Variants in SHISA9 observed in about 807,000 individuals in gnomAD.
The protein encoded by SHISA9 is protein shisa-9.
SHISA9 carries 13 observed loss-of-function variants against 38.0 expected under a neutral mutation model. The observed-to-expected ratio is 0.34, with a 90% CI of 0.22 to 0.54. The LOEUF (loss-of-function observed/expected upper bound fraction) is 0.54, where lower values mean the gene tolerates loss of function less well. SHISA9 is among the 20% of genes least tolerant of loss of function. SHISA9 has a pLI of 0.91. For missense variants in SHISA9, 538 were observed against 575.8 expected, an observed-to-expected ratio of 0.93 and a Z score of 0.67; for synonymous variants, 275 against 242.0, an observed-to-expected ratio of 1.14 and a Z score of -1.27.
In SHISA9 at chr16:13,055,200, C is replaced by T. The variant is rs545487546; in HGVS notation, c.691+138385C>T. On this transcript the variant is annotated intron_variant, in intron 2 of 4. Transcript: ENST00000558583. ...CATAAGATAGGGAACTGTGATTATG[C>T]CCATTTTACAGGTGGGGAAACTGAG... is the stretch of plus-strand genomic sequence containing the variant. Among the ~76,000 whole-genome samples the T allele has an allele frequency of 2.0e-5, 3 of 152,210 alleles. No homozygotes were observed. In the East Asian group the frequency reaches 5.8e-4, roughly 29 times the overall value.
At chr16:12,925,836 A>T (rs1277943497) in intron 2 of SHISA9, among the ~76,000 whole-genome samples, 1 of 152,176 alleles carries the variant, frequency 6.6e-6, no homozygotes, top group Non-Finnish European at 1.5e-5. Flanking sequence ...AGTAATAAAT[A>T]AAACAATTGC....
chr16:12,930,839 A>G (rs2071452394), intron 2 of SHISA9, among the ~76,000 whole-genome samples: 1 of 152,160 alleles, frequency 6.6e-6, no homozygotes, highest in African/African-American at 2.4e-5. Context: ...AGAGGAAGTG[A>G]TAGGTACAAA....
chr16:12,965,058 T>A (rs2071959850), intron 2 of SHISA9, among the ~76,000 whole-genome samples: 1 of 152,066 alleles, frequency 6.6e-6, no homozygotes, highest in African/African-American at 2.4e-5. Flanking sequence ...CACATACATA[T>A]ATATATGTAT....
the SHISA9 span, among the ~76,000 whole-genome samples, chr16:13,373,039 T>C: frequency 6.6e-6 from 1 of 152,274 alleles, no homozygotes; most frequent in African/African-American, 2.4e-5. Flanking sequence ...TTGGAGGCCA[T>C]AGCACCCTCA....
At chr16:13,037,144 ACACACACACACACT>A (rs1317591454) in intron 2 of SHISA9, among the ~76,000 whole-genome samples, 18 of 146,466 alleles carry the variant, frequency 1.2e-4, no homozygotes, top group African/African-American at 4.3e-4. Context: ...ACACACACAC[ACACACACACACACT>A]GTTGGTCCCA....
At chr16:13,373,650 T>C in the SHISA9 span, among the ~76,000 whole-genome samples, 12 of 151,666 alleles carry the variant, frequency 7.9e-5, no homozygotes, top group East Asian at 2.3e-3. Flanking sequence ...TAGTCCTAGC[T>C]ACTCAGGAGA....
At chr16:13,527,884 A>G in the SHISA9 span, among the ~76,000 whole-genome samples, 12 of 152,226 alleles carry the variant, frequency 7.9e-5, no homozygotes, top group African/African-American at 2.9e-4. Flanking sequence ...GATGCTCTAT[A>G]GGAATGGAAT....
chr16:13,382,568 C>G, the SHISA9 span, among the ~76,000 whole-genome samples: 1 of 140,870 alleles, frequency 7.1e-6, no homozygotes, highest in East Asian at 2.2e-4. Context: ...AGAAAAAAAA[C>G]AGGCGTGGTG....
In SHISA9 at chr16:13,202,050, T is replaced by C. The variant is rs1224804982; in HGVS notation, c.692-1344T>C. Among the ~76,000 whole-genome samples the C allele has an allele frequency of 1.8e-5, 2 of 112,280 alleles. 1 individual carries two copies. Among genetic ancestry groups the C allele is most frequent in the East Asian group, 4.5e-4 (2 of 4,400 alleles). The allele number at this position is 112,280 out of a possible 152,430, so 73.7% of individuals were successfully genotyped here. On this transcript the variant is annotated intron_variant, in intron 2 of 4. Coordinates refer to ENST00000558583, the MANE Select transcript of SHISA9 (RefSeq NM_001145204.3). The stretch of plus-strand genomic sequence containing the variant: ...CCATCATTATCTCCCAGTGATGGGA[T>C]GGATAGACAGGAGGCGAGACCCATT...
intron 2 of SHISA9, among the ~76,000 whole-genome samples, chr16:13,065,642 G>T (rs192459955): frequency 6.2e-4 from 95 of 152,292 alleles, no homozygotes; most frequent in African/African-American, 2.2e-3. Flanking sequence ...GCTAAGGAAG[G>T]GTTCGAAGGC....
chr16:13,086,230 C>T (rs894615280), intron 2 of SHISA9, among the ~76,000 whole-genome samples: 12 of 151,500 alleles, frequency 7.9e-5, no homozygotes, highest in African/African-American at 2.9e-4. Context: ...TGGCATGTGC[C>T]TGTAGTCTCC....
intron 2 of SHISA9, among the ~76,000 whole-genome samples, chr16:13,053,240 G>A (rs2073273109): frequency 6.6e-6 from 1 of 151,222 alleles, no homozygotes; most frequent in Admixed American, 6.6e-5. Context: ...TGGGATTACA[G>A]GTGTGAACCA....
At chr16:13,056,037 T>G (rs1246960844) in intron 2 of SHISA9, among the ~76,000 whole-genome samples, 1 of 152,208 alleles carries the variant, frequency 6.6e-6, no homozygotes, top group Non-Finnish European at 1.5e-5. Context: ...CTCTGTCATG[T>G]GGACTGTGAA....
chr16:13,348,755 A>G, the SHISA9 span, among the ~76,000 whole-genome samples: 1 of 152,030 alleles, frequency 6.6e-6, no homozygotes, highest in African/African-American at 2.4e-5. Context: ...TAGGACAATC[A>G]TGGAGGTCCG....
At chr16:13,217,318 C>T (rs572576000) in intron 4 of SHISA9, among the ~76,000 whole-genome samples, 10 of 152,006 alleles carry the variant, frequency 6.6e-5, no homozygotes, top group African/African-American at 2.2e-4. Flanking sequence ...AAAATAAAAT[C>T]CACCCTGGAA....
At chr16:12,917,069 G>A (rs1283421169) in intron 2 of SHISA9, among the ~76,000 whole-genome samples, 1 of 152,152 alleles carries the variant, frequency 6.6e-6, no homozygotes, top group Non-Finnish European at 1.5e-5. Flanking sequence ...CTGCTCGACT[G>A]GTTCATCTTG....
At chr16:13,491,022 G>A in the SHISA9 span, among the ~76,000 whole-genome samples, 191 of 152,244 alleles carry the variant, frequency 1.3e-3, no homozygotes, top group African/African-American at 4.3e-3. Context: ...TTGGTGTTAA[G>A]CACTTATAAT....
chr16:13,153,959 G>A (rs529306748), intron 2 of SHISA9, among the ~76,000 whole-genome samples: 6 of 150,754 alleles, frequency 4.0e-5, no homozygotes, highest in East Asian at 2.0e-4. Flanking sequence ...GCTGGGATGG[G>A]AGTGGGGGTG....
intron 2 of SHISA9, among the ~76,000 whole-genome samples, chr16:13,030,713 C>T (rs953587537): frequency 4.6e-5 from 7 of 152,260 alleles, no homozygotes; most frequent in South Asian, 4.1e-4. Flanking sequence ...CAGGCACTAA[C>T]GGGCAGCTCT....
Sources: allele counts gnomAD v4.1 joint callset (sites outside exome capture counted in the v4.1 genomes callset), GRCh38; gene constraint gnomAD v4.1.1; transcripts MANE v1.5; gene names NCBI Gene and HGNC (gene_info 2026-07-23, HGNC 2026-07-21).